Variants in DEK observed in about 807,000 individuals in gnomAD.
DEK encodes the protein protein DEK.
Under a neutral mutation model 46.8 loss-of-function variants are expected in DEK, and 28 were observed. That is an observed-to-expected ratio of 0.60 (90% CI 0.44 to 0.82). The LOEUF (loss-of-function observed/expected upper bound fraction) is 0.82. Ranked by LOEUF, DEK falls within the 40% of genes least tolerant of loss-of-function variation. The pLI, the probability that DEK is intolerant of heterozygous loss-of-function variation, is 0.00. For missense variants in DEK, 416 were observed against 430.6 expected (o/e 0.97, Z 0.30); for synonymous variants, 160 against 144.5 (o/e 1.11, Z -0.77).
chr6:18,248,973 A>G (rs1466457170), intron 7 of DEK, among the ~76,000 whole-genome samples: 1 of 151,278 alleles, frequency 6.6e-6, no homozygotes, highest in African/African-American at 2.4e-5. Flanking sequence ...AGTCTACCAA[A>G]ACATCATTAA....
Position 18,228,459 on chromosome 6 carries a change from C to T in DEK, c.1048-2217G>A, listed in dbSNP as rs144055804. ...CTCCCACCGTGAGCGACGCAGAAGA[C>T]GGGTGATTTCTGCATTTCCAACTGA... On this transcript the variant is annotated intron_variant, in intron 9 of 10. Transcript: ENST00000652689. Among the ~76,000 whole-genome samples, 359 of 151,942 alleles carry T rather than the reference C, an allele frequency of 2.4e-3. 2 individuals carry two copies. The East Asian group carries it at 0.045, about 19-fold the overall frequency.
chr6:18,263,807 T>C (rs1791979842), intron 2 of DEK, 36 bp downstream of exon 2: 1 of 1,611,110 alleles, frequency 6.2e-7, no homozygotes, highest in African/African-American at 1.3e-5. Context: ...AACTTCGGTC[T>C]GAAAAATTCA....
At position 18,249,798 on chromosome 6, in the gene DEK, T is replaced by C. The variant is rs1561986349; in HGVS notation, c.615A>G (p.Lys205=). ...KSKKTCSKGS[K]KERNSSGMAR... ...CCATTCCAGAACTGTTCCGTTCCTT[T>C]TTACTGCCTTTGCTACAAGTTTTTT... is the stretch of plus-strand genomic sequence containing the variant. The change falls in exon 7 of 11, where the codon AAA becomes AAG. Residue 205 remains lysine (K), a synonymous_variant. Transcript: ENST00000652689. The C allele has an allele frequency of 6.2e-7, 1 of 1,603,820 alleles. No individual in the cohort carries two copies. The highest frequency in any genetic ancestry group is 8.5e-7 in the Non-Finnish European group (1 of 1,177,480).
intron 6 of DEK, among the ~76,000 whole-genome samples, chr6:18,255,164 A>G (rs1054204675): frequency 6.6e-6 from 1 of 152,238 alleles, no homozygotes; most frequent in African/African-American, 2.4e-5. Flanking sequence ...TTAAATAATT[A>G]GGGCAAACCT....
rs142114196 is a variant in DEK at position 18,248,532 on chromosome 6, TTAAGA to T, written c.762+1114_762+1118del. 1.9e-3 allele frequency among the ~76,000 whole-genome samples: 287 copies of T among 152,294 alleles called. 3 individuals carry two copies. Among genetic ancestry groups the T allele is most frequent in the Non-Finnish European group, 1.9e-4 (13 of 68,014 alleles). On this transcript the variant is annotated intron_variant, in intron 7 of 10. Coordinates refer to ENST00000652689, the MANE Select transcript of DEK (RefSeq NM_003472.4). ...TATTTTCCTTTGTGCCAAATATATA[TTAAGA>T]TATTTATGAAGCACCTACTAGATTC...
intron 2 of DEK, 60 bp downstream of exon 2, chr6:18,263,783 G>A: frequency 6.2e-7 from 1 of 1,609,846 alleles, no homozygotes; most frequent in Admixed American, 1.7e-5. Flanking sequence ...TTTCCTGGGT[G>A]AAAAATACAA....
intron 4 of DEK, among the ~76,000 whole-genome samples, chr6:18,257,729 AAAAAAG>A (rs202026548): frequency 0.016 from 2,455 of 152,162 alleles, 57 homozygotes; most frequent in African/African-American, 0.056. Flanking sequence ...AGAAAGAAAA[AAAAAAG>A]AAAAAGAAAA....
At chr6:18,228,846 A>AG (rs888099333) in intron 9 of DEK, among the ~76,000 whole-genome samples, 2 of 152,202 alleles carry the variant, frequency 1.3e-5, no homozygotes, top group Non-Finnish European at 2.9e-5. Flanking sequence ...GCCATTGCTG[A>AG]GGCTTGAGTT....
At chr6:18,253,474 C>A (rs1791480444) in intron 6 of DEK, among the ~76,000 whole-genome samples, 2 of 152,102 alleles carry the variant, frequency 1.3e-5, no homozygotes, top group African/African-American at 4.8e-5. Context: ...AATAAAACGT[C>A]AACATTTGGA....
intron 7 of DEK, among the ~76,000 whole-genome samples, chr6:18,237,860 CTTTT>C (rs60332682): frequency 6.8e-5 from 6 of 88,466 alleles, no homozygotes; most frequent in African/African-American, 1.8e-4. Context: ...CAACTGGAAT[CTTTT>C]TTTTTTTTTT....
rs572141566 is a variant in DEK at position 18,229,968 on chromosome 6, C to G, written c.1048-3726G>C. Among the ~76,000 whole-genome samples, 30 of 152,300 alleles carry G rather than the reference C, an allele frequency of 2.0e-4. 1 individual carries two copies. In the South Asian group the frequency reaches 6.0e-3, roughly 31 times the overall value. On this transcript the variant is annotated intron_variant, in intron 9 of 10. Transcript: ENST00000652689. ...GAAATGAAGGAAAAAATGTCAAGGG[C>G]AGCCAGAGAGAAAGGTCGGGTTACC... is the stretch of plus-strand genomic sequence containing the variant.
chr6:18,246,557 G>A (rs914553474), intron 7 of DEK, among the ~76,000 whole-genome samples: 7 of 152,262 alleles, frequency 4.6e-5, no homozygotes, highest in African/African-American at 1.7e-4. Flanking sequence ...TTGTAAAACT[G>A]TCATTTCAAT....
Position 18,255,864 on chromosome 6 carries a change from A to G in DEK, c.453-13T>C, listed in dbSNP as rs772600953. 2 of 1,594,030 alleles carry G rather than the reference A, an allele frequency of 1.3e-6. No homozygotes were observed. The highest frequency in any genetic ancestry group is 3.7e-5 in the Admixed American group (2 of 54,704). On this transcript the variant is annotated splice_polypyrimidine_tract_variant and intron_variant, in intron 5 of 10. Transcript: ENST00000652689. ...GGCATTTCTAAATCTGAAACAGAAA[A>G]TGGAAGAAACCAAGGTGTTAATATA...
At chr6:18,261,361 T>C (rs1267896453) in intron 2 of DEK, among the ~76,000 whole-genome samples, 1 of 152,150 alleles carries the variant, frequency 6.6e-6, no homozygotes. Flanking sequence ...TCACCTGAGG[T>C]CGGGAGTTTG....
intron 6 of DEK, 106 bp from the exon 7 acceptor site, chr6:18,249,945 G>A: frequency 2.8e-6 from 4 of 1,422,920 alleles, no homozygotes; most frequent in Non-Finnish European, 3.7e-6. Flanking sequence ...TCAAGAAATT[G>A]TATTTACAAG....
chr6:18,259,522 C>T (rs1791760404), intron 2 of DEK, among the ~76,000 whole-genome samples: 1 of 147,096 alleles, frequency 6.8e-6, no homozygotes. Flanking sequence ...GAAATAAAGT[C>T]AGATAAAAGA....
In DEK at chr6:18,258,405, T is replaced by C. The variant is rs760098809; in HGVS notation, c.146A>G (p.Glu49Gly). The C allele has an allele frequency of 6.2e-6, 10 of 1,605,534 alleles. No individual in the cohort carries two copies. Among genetic ancestry groups the C allele is most frequent in the Non-Finnish European group, 8.5e-6 (10 of 1,174,294 alleles). The change falls in exon 3 of 11, where the codon GAA becomes GGA. Residue 49 changes from glutamate to glycine, a missense_variant and splice_region_variant. Transcript: ENST00000652689. Reference sequence around the variant, plus strand: ...CTTGCCTTCCACGATGAGACTCTTTTCTAGAAATTAATTTAGTATTTCTTA... The same window carrying C: ...CTTGCCTTCCACGATGAGACTCTTTCCTAGAAATTAATTTAGTATTTCTTA... ...DDEEEEEEEK[E>G]KSLIVEGKRE...
chr6:18,259,271 T>C (rs570296749), intron 2 of DEK, among the ~76,000 whole-genome samples: 2 of 151,518 alleles, frequency 1.3e-5, no homozygotes, highest in South Asian at 4.2e-4. Context: ...GGCTGGTGCC[T>C]GTAGTCCCAG....
chr6:18,244,563 TCA>T, intron 7 of DEK: 1 of 1,289,176 alleles, frequency 7.8e-7, no homozygotes, highest in Non-Finnish European at 1.0e-6. Context: ...AAGACGCCTG[TCA>T]CAGAGCCAGA....
Sources: gnomAD v4.1 joint callset for allele counts (sites outside exome capture counted in the v4.1 genomes callset) on GRCh38, gnomAD v4.1.1 for gene constraint, MANE v1.5 for transcripts, NCBI Gene and HGNC (gene_info 2026-07-23, HGNC 2026-07-21) for gene names.